The following SLC15A5 variants were observed in gnomAD, a reference collection of about 807,000 sequenced individuals.
SLC15A5 encodes Peptide/histidine transporter ENSP00000340402.
In SLC15A5, 58 loss-of-function variants were observed where a neutral mutation model predicts 56.1. That is an observed-to-expected ratio of 1.03 (90% confidence interval 0.84 to 1.29). The LOEUF is 1.29. SLC15A5 is among the 50% of genes most tolerant of loss of function. The pLI is 0.00. For synonymous variants in SLC15A5, 264 were observed against 250.5 expected (o/e 1.05, Z -0.51); for missense variants, 681 against 672.1 (o/e 1.01, Z -0.15).
intron 5 of SLC15A5, among the ~76,000 whole-genome samples, chr12:16,238,755 G>T (rs1396566719): frequency 6.6e-6 from 1 of 152,004 alleles, no homozygotes; most frequent in African/African-American, 2.4e-5. Context: ...ACCATTGCAT[G>T]ATATTACTTA....
chr12:16,207,510 A>G (rs971372936), intron 7 of SLC15A5, among the ~76,000 whole-genome samples: 3 of 152,134 alleles, frequency 2.0e-5, no homozygotes, highest in African/African-American at 7.2e-5. Flanking sequence ...TAGGCTATTT[A>G]AAAATCTATC....
At chr12:16,206,582 A>T (rs146595926) in intron 7 of SLC15A5, among the ~76,000 whole-genome samples, 1 of 152,224 alleles carries the variant, frequency 6.6e-6, no homozygotes, top group Non-Finnish European at 1.5e-5. Context: ...TAAACAAGAA[A>T]CAAAGGCACA....
chr12:16,275,223 A>G (rs1591664763), intron 1 of SLC15A5, among the ~76,000 whole-genome samples: 3 of 152,212 alleles, frequency 2.0e-5, no homozygotes, highest in East Asian at 3.9e-4. Context: ...CCAATCATGG[A>G]TAAGGGATGG....
At chr12:16,228,021 A>G (rs1006556247) in intron 5 of SLC15A5, among the ~76,000 whole-genome samples, 3 of 152,226 alleles carry the variant, frequency 2.0e-5, no homozygotes, top group African/African-American at 7.2e-5. Flanking sequence ...AGCAGAAGTT[A>G]GTTATGAATA....
rs1864333121 is a variant in SLC15A5, at chr12:16,235,005, G to A, written c.1162+4676C>T. On this transcript the variant is annotated intron_variant, in intron 5 of 8. Transcript: ENST00000344941. The surrounding 1 kb of genome is among the most constrained non-coding windows in gnomAD (Gnocchi z 4.1). ...TGGAGTCCTTGAGAAATTCCCTTTG[G>A]ATCCATGATTTTGGCAAATTCCCAG... 6.6e-6 allele frequency among the ~76,000 whole-genome samples: 1 copy of A among 151,828 alleles called. No homozygotes were observed. The highest frequency in any genetic ancestry group is 1.5e-5 in the Non-Finnish European group (1 of 67,922).
rs372483728 is a variant in SLC15A5 at position 16,261,869 on chromosome 12, T to C, written c.585-3999A>G. Among the ~76,000 whole-genome samples, 19 of 152,342 alleles carry C rather than the reference T, an allele frequency of 1.2e-4. No individual in the cohort carries two copies. In the East Asian group the frequency reaches 3.3e-3, roughly 26 times the overall value. ...TTCTTTGGTGAAATTTCTGTCCTTA[T>C]GTATTCTGGCTATAAGTCCTTTCTC... On this transcript the variant is annotated intron_variant, in intron 2 of 8. Coordinates refer to ENST00000344941, the MANE Select transcript of SLC15A5 (RefSeq NM_001170798.1).
At chr12:16,222,300 T>C (rs1050637836) in intron 6 of SLC15A5, among the ~76,000 whole-genome samples, 2 of 152,160 alleles carry the variant, frequency 1.3e-5, no homozygotes, top group South Asian at 4.2e-4. Flanking sequence ...AATTCAGATC[T>C]GTCTGACTTT....
intron 7 of SLC15A5, among the ~76,000 whole-genome samples, chr12:16,199,993 T>G (rs1191896762): frequency 6.6e-6 from 1 of 152,016 alleles, no homozygotes; most frequent in Non-Finnish European, 1.5e-5. Flanking sequence ...TGGGTCACTT[T>G]AACTGTAGAC....
At chr12:16,261,947 C>G (rs1372385184) in intron 2 of SLC15A5, among the ~76,000 whole-genome samples, 3 of 152,124 alleles carry the variant, frequency 2.0e-5, no homozygotes, top group Non-Finnish European at 2.9e-5. Context: ...TCTTTTCATT[C>G]TATTAAAAGT....
intron 2 of SLC15A5, among the ~76,000 whole-genome samples, chr12:16,272,176 C>T (rs1382270182): frequency 1.3e-5 from 2 of 152,092 alleles, no homozygotes; most frequent in Non-Finnish European, 2.9e-5. Flanking sequence ...AGGTATTATC[C>T]CCCTTCAGAA....
intron 6 of SLC15A5, among the ~76,000 whole-genome samples, chr12:16,218,465 G>C (rs1243530916): frequency 2.6e-5 from 4 of 152,122 alleles, no homozygotes; most frequent in Non-Finnish European, 4.4e-5. Flanking sequence ...AGGTGATTTT[G>C]CCATTGTGCA....
chr12:16,191,399 C>G (rs144657960), intron 8 of SLC15A5, among the ~76,000 whole-genome samples: 263 of 152,030 alleles, frequency 1.7e-3, no homozygotes, highest in African/African-American at 6.1e-3. Flanking sequence ...ATACACTGTC[C>G]TCAAGATCTT....
intron 5 of SLC15A5, among the ~76,000 whole-genome samples, chr12:16,231,771 A>C (rs944496494): frequency 2.0e-5 from 3 of 152,190 alleles, no homozygotes; most frequent in Non-Finnish European, 4.4e-5. Context: ...ATGGGTAAAA[A>C]CTAAGATTTT....
In SLC15A5 at chr12:16,196,284, G is replaced by A. The variant is rs1592106081; in HGVS notation, c.1484-1831C>T. Among the ~76,000 whole-genome samples the A allele has an allele frequency of 6.6e-6, 1 of 151,992 alleles. No individual in the cohort carries two copies. Among genetic ancestry groups the A allele is most frequent in the East Asian group, 1.9e-4 (1 of 5,174 alleles). ...CTACAGTTACATGATGCCTGTATCT[G>A]GTGTTTAGATGAGTAAATGAAGTTC... On this transcript the variant is annotated intron_variant, in intron 7 of 8. Transcript: ENST00000344941. This position sits in a 1 kb window ranked among gnomAD's most constrained non-coding sequence, Gnocchi z 4.0.
At chr12:16,193,956 G>A (rs896519493) in intron 8 of SLC15A5, among the ~76,000 whole-genome samples, 1 of 151,870 alleles carries the variant, frequency 6.6e-6, no homozygotes, top group African/African-American at 2.4e-5. Flanking sequence ...AATGGTCACT[G>A]CTGATTTAAA....
At chr12:16,268,326 C>T (rs58780041) in intron 2 of SLC15A5, among the ~76,000 whole-genome samples, 1,193 of 48,540 alleles carry the variant, frequency 0.025, 357 homozygotes, top group African/African-American at 0.09. Context: ...GCAGTGAGCT[C>T]AGATCGCAAA....
chr12:16,198,051 A>T (rs1189151317), intron 7 of SLC15A5, among the ~76,000 whole-genome samples: 1 of 152,104 alleles, frequency 6.6e-6, no homozygotes, highest in Non-Finnish European at 1.5e-5. Context: ...ATAGAGTCTG[A>T]TGGGTCATTC....
Position 16,200,189 on chromosome 12 carries a change from A to G in SLC15A5, c.1484-5736T>C, listed in dbSNP as rs143783246. Among the ~76,000 whole-genome samples, 903 of 150,688 alleles carry G rather than the reference A, an allele frequency of 6.0e-3. 5 individuals are homozygous for G. The highest frequency in any genetic ancestry group is 0.011 in the Non-Finnish European group (718 of 67,654). On this transcript the variant is annotated intron_variant, in intron 7 of 8. Transcript: ENST00000344941. ...GAATGACAAAGCTTAAAATAATAAT[A>G]ATATTATTAATAATAATATAATAAT...
intron 7 of SLC15A5, among the ~76,000 whole-genome samples, chr12:16,216,532 C>T (rs1591644993): frequency 1.3e-5 from 2 of 152,186 alleles, no homozygotes; most frequent in Non-Finnish European, 2.9e-5. Flanking sequence ...CATTCAGGTA[C>T]CCTATCCCCT....
Sources: gnomAD v4.1 joint callset for allele counts (sites outside exome capture counted in the v4.1 genomes callset) on GRCh38, gnomAD v4.1.1 for gene constraint, Gnocchi (gnomAD v3.1) non-coding constraint, MANE v1.5 for transcripts, NCBI Gene and HGNC (gene_info 2026-07-23, HGNC 2026-07-21) for gene names.